RANBP2: variants seen among roughly 807,000 people sequenced by gnomAD.
RANBP2 encodes E3 SUMO-protein ligase RanBP2.
Under a neutral mutation model 303.6 loss-of-function variants are expected in RANBP2, and 57 were observed. That is an observed-to-expected ratio of 0.19 (90% CI 0.15 to 0.23). The LOEUF (loss-of-function observed/expected upper bound fraction) is 0.23, where lower values mean the gene tolerates loss of function less well. Among genes scored for constraint, RANBP2 ranks in the 10% least tolerant of loss-of-function variants. The pLI is 1.00. For synonymous variants in RANBP2, 1,167 were observed against 1,301.5 expected (o/e 0.90, Z 2.23); for missense variants, 3,138 against 3,780.8 (o/e 0.83, Z 4.46).
At chr2:109,170,244 T>TTCTCTTCTC in the RANBP2 span, among the ~76,000 whole-genome samples, 132 of 32,982 alleles carry the variant, frequency 4.0e-3, 2 homozygotes, top group Admixed American at 4.7e-3. Flanking sequence ...CTTCTTTTCT[T>TTCTCTTCTC]TTCTCTTCTC....
At chr2:108,724,158 TTTTG>T (rs1373332648) in intron 1 of RANBP2, among the ~76,000 whole-genome samples, 2 of 152,166 alleles carry the variant, frequency 1.3e-5, no homozygotes, top group Non-Finnish European at 2.9e-5. Flanking sequence ...TGAGAGGTTT[TTTTG>T]TTTGTTTGTT....
chr2:108,938,212 G>A, the RANBP2 span, among the ~76,000 whole-genome samples: 54 of 152,218 alleles, frequency 3.5e-4, no homozygotes, highest in African/African-American at 1.3e-3. Flanking sequence ...AACTTTTTCC[G>A]CTAGTCTTTA....
At chr2:109,465,120 C>T in the RANBP2 span, among the ~76,000 whole-genome samples, 4,429 of 152,270 alleles carry the variant, frequency 0.029, 95 homozygotes, top group Middle Eastern at 0.071. Flanking sequence ...TGTGCATTTA[C>T]GTTTCCTCCA....
the RANBP2 span, among the ~76,000 whole-genome samples, chr2:109,055,564 T>TTCTTTTCTTTTCTTTTCTTTTC: frequency 6.6e-6 from 1 of 151,944 alleles, no homozygotes; most frequent in South Asian, 2.1e-4. Flanking sequence ...TTTTTGTATT[T>TTCTTTTCTTTTCTTTTCTTTTC]TAGTAGAGAC....
chr2:109,552,429 T>C, the RANBP2 span: 1 of 152,270 alleles, frequency 6.6e-6, no homozygotes, highest in Non-Finnish European at 1.5e-5. Context: ...ATGGTTAAGA[T>C]ACTTCTTAGT....
chr2:109,732,510 G>T, the RANBP2 span, among the ~76,000 whole-genome samples: 440 of 141,448 alleles, frequency 3.1e-3, 27 homozygotes, highest in East Asian at 0.086. Context: ...ACAGAGTCTT[G>T]CTCTGTCCCC....
At chr2:109,279,254 T>C in the RANBP2 span, among the ~76,000 whole-genome samples, 1 of 152,216 alleles carries the variant, frequency 6.6e-6, no homozygotes, top group Non-Finnish European at 1.5e-5. Context: ...TGAATGTGGC[T>C]TAGCTCCTGC....
chr2:109,318,625 G>A, the RANBP2 span, among the ~76,000 whole-genome samples: 1 of 152,206 alleles, frequency 6.6e-6, no homozygotes, highest in Non-Finnish European at 1.5e-5. Flanking sequence ...CACACTGGGG[G>A]CAGCATTTGT....
chr2:109,711,969 C>T, the RANBP2 span, among the ~76,000 whole-genome samples: 1 of 152,316 alleles, frequency 6.6e-6, no homozygotes, highest in Non-Finnish European at 1.5e-5. Context: ...CAAGAGTTTA[C>T]AATGCAGTGC....
intron 25 of RANBP2, among the ~76,000 whole-genome samples, chr2:108,780,395 TG>T (rs1678167618): frequency 6.8e-6 from 1 of 146,680 alleles, no homozygotes; most frequent in African/African-American, 2.5e-5. Context: ...GACAGAGTCT[TG>T]CTCTGTCGTC....
At chr2:109,536,943 T>C in the RANBP2 span, among the ~76,000 whole-genome samples, 27,920 of 152,208 alleles carry the variant, frequency 0.18, 3,362 homozygotes, top group Non-Finnish European at 0.27. Context: ...TCCACCATGA[T>C]TGTGAGGCTT....
the RANBP2 span, among the ~76,000 whole-genome samples, chr2:109,399,446 T>C: frequency 1.7e-5 from 2 of 116,596 alleles, no homozygotes; most frequent in African/African-American, 3.2e-5. Flanking sequence ...CCATTTCCAC[T>C]AGTTTTTTTT....
chr2:109,464,569 T>C, the RANBP2 span, among the ~76,000 whole-genome samples: 2 of 152,236 alleles, frequency 1.3e-5, no homozygotes, highest in African/African-American at 4.8e-5. Flanking sequence ...CTTCTGCCAA[T>C]TCTGCTCCCT....
At chr2:109,545,768 C>T in the RANBP2 span, 1 of 1,426,672 alleles carries the variant, frequency 7.0e-7, no homozygotes, top group Non-Finnish European at 9.1e-7. Flanking sequence ...GCCATTTTCC[C>T]CCAGCTAACT....
At chr2:108,941,442 C>T in the RANBP2 span, among the ~76,000 whole-genome samples, 12 of 152,226 alleles carry the variant, frequency 7.9e-5, no homozygotes, top group African/African-American at 2.6e-4. Flanking sequence ...CAGGGCAAGG[C>T]GGAGGCACTG....
the RANBP2 span, among the ~76,000 whole-genome samples, chr2:109,176,651 C>T: frequency 2.6e-5 from 4 of 152,128 alleles, no homozygotes; most frequent in South Asian, 2.1e-4. Context: ...GCAGGAGAAT[C>T]GCTTGAACCT....
chr2:109,489,714 CAA>C, the RANBP2 span, among the ~76,000 whole-genome samples: 1 of 133,356 alleles, frequency 7.5e-6, no homozygotes, highest in Non-Finnish European at 1.5e-5. Context: ...GAAAGGAAAA[CAA>C]GTGTCGGACA....
At chr2:109,688,313 G>A in the RANBP2 span, among the ~76,000 whole-genome samples, 3 of 152,090 alleles carry the variant, frequency 2.0e-5, no homozygotes, top group African/African-American at 4.8e-5. Context: ...ACTGGGCCTC[G>A]TTCCTCAGAG....
the RANBP2 span, among the ~76,000 whole-genome samples, chr2:108,970,825 A>G: frequency 2.6e-5 from 4 of 152,354 alleles, no homozygotes; most frequent in African/African-American, 7.2e-5. Context: ...TGTGGTGCCA[A>G]TAAAAGCAGG....
Sources: gnomAD v4.1 joint callset for allele counts (sites outside exome capture counted in the v4.1 genomes callset) on GRCh38, gnomAD v4.1.1 for gene constraint, MANE v1.5 for transcripts, NCBI Gene and HGNC (gene_info 2026-07-23, HGNC 2026-07-21) for gene names.